The following CPNE4 variants were observed in gnomAD, a reference collection of about 807,000 sequenced individuals.
The protein encoded by CPNE4 is copine-4.
In CPNE4, 25 loss-of-function variants were observed where a neutral mutation model predicts 67.9. The observed-to-expected ratio is 0.37, with a 90% CI of 0.27 to 0.51. The LOEUF (loss-of-function observed/expected upper bound fraction) is 0.51. Ranked by LOEUF, CPNE4 falls within the 20% of genes least tolerant of loss-of-function variation. The probability of loss-of-function intolerance (pLI) is 0.93; values close to 1 mark genes in which losing one functional copy is unlikely to be tolerated. For missense variants in CPNE4, 464 were observed against 690.8 expected (o/e 0.67, Z 3.68); for synonymous variants, 242 against 244.9 (o/e 0.99, Z 0.11).
chr3:131,924,692 T>A (rs934015278), intron 1 of CPNE4, among the ~76,000 whole-genome samples: 2 of 152,176 alleles, frequency 1.3e-5, no homozygotes, highest in Non-Finnish European at 2.9e-5. Context: ...CCAGTAATAG[T>A]ATTTTCAGTC....
intron 2 of CPNE4, among the ~76,000 whole-genome samples, chr3:131,743,971 A>AAAAAAAAC (rs1477425834): frequency 6.7e-6 from 1 of 148,474 alleles, no homozygotes; most frequent in East Asian, 1.9e-4. Flanking sequence ...TCAAAAAAAA[A>AAAAAAAAC]AAAAAAAAAA....
At chr3:131,846,357 C>A (rs545440133) in intron 2 of CPNE4, among the ~76,000 whole-genome samples, 41 of 152,280 alleles carry the variant, frequency 2.7e-4, no homozygotes, top group African/African-American at 9.6e-4. Flanking sequence ...TTCCAACACT[C>A]TTGAGGGAAT....
chr3:131,704,657 A>G (rs1023180376), intron 3 of CPNE4, among the ~76,000 whole-genome samples: 5 of 152,170 alleles, frequency 3.3e-5, no homozygotes, highest in African/African-American at 9.7e-5. Context: ...GACAGATGAT[A>G]TGTGGAACAC....
At position 131,556,850 on chromosome 3, in the gene CPNE4, A is replaced by G. The variant is rs151231973; in HGVS notation, c.1062-1299T>C. On this transcript the variant is annotated intron_variant, in intron 11 of 15. Coordinates refer to ENST00000429747, the MANE Select transcript of CPNE4 (RefSeq NM_130808.3). ...AGTTGACAGGATGGGGAAGAGAATAATTAACATTTATTGATGCATACAATG... is the reference window on the plus strand; with the variant it reads ...AGTTGACAGGATGGGGAAGAGAATAGTTAACATTTATTGATGCATACAATG... Among the ~76,000 whole-genome samples, 1,084 of 152,196 alleles carry G rather than the reference A, an allele frequency of 7.1e-3. 17 individuals carry two copies. Among genetic ancestry groups the G allele is most frequent in the African/African-American group, 0.025 (1,022 of 41,542 alleles).
intron 1 of CPNE4, among the ~76,000 whole-genome samples, chr3:131,913,333 CA>C (rs953015021): frequency 1.3e-5 from 2 of 152,116 alleles, no homozygotes; most frequent in African/African-American, 4.8e-5. Context: ...TATTAAGAGC[CA>C]AAATGGTACC....
intron 2 of CPNE4, among the ~76,000 whole-genome samples, chr3:131,872,470 TG>T (rs1270372701): frequency 6.6e-6 from 1 of 152,186 alleles, no homozygotes; most frequent in African/African-American, 2.4e-5. Context: ...CTCTTTTACC[TG>T]GGTGAGGGTC....
chr3:131,963,382 C>T (rs544534832), intron 1 of CPNE4, among the ~76,000 whole-genome samples: 4 of 151,924 alleles, frequency 2.6e-5, no homozygotes, highest in Non-Finnish European at 4.4e-5. Context: ...GCAACCCCAG[C>T]GAGACAGAAC....
chr3:131,653,593 G>A (rs1459638723), intron 7 of CPNE4, among the ~76,000 whole-genome samples: 1 of 152,104 alleles, frequency 6.6e-6, no homozygotes, highest in Non-Finnish European at 1.5e-5. Context: ...GCCTCCCATT[G>A]CTCTCAGGAT....
chr3:131,851,574 T>C (rs72989525), intron 2 of CPNE4, among the ~76,000 whole-genome samples: 7,884 of 152,108 alleles, frequency 0.052, 389 homozygotes, highest in African/African-American at 0.13. Flanking sequence ...ACAAATTTTA[T>C]AGAGTCACTT....
intron 1 of CPNE4, among the ~76,000 whole-genome samples, chr3:131,928,304 C>T (rs1042967856): frequency 7.7e-6 from 1 of 129,146 alleles, no homozygotes. Context: ...AAATTTACAA[C>T]AGTCCTCTTT....
chr3:131,541,699 T>C (rs899177991), intron 15 of CPNE4, among the ~76,000 whole-genome samples: 4 of 151,944 alleles, frequency 2.6e-5, no homozygotes, highest in Non-Finnish European at 4.4e-5. Flanking sequence ...AAACCAACTC[T>C]CACTCTCATC....
intron 7 of CPNE4, among the ~76,000 whole-genome samples, chr3:131,665,551 C>T (rs188259358): frequency 6.6e-6 from 1 of 151,938 alleles, no homozygotes; most frequent in Admixed American, 6.6e-5. Context: ...CATAGCTACT[C>T]AGGAGGCCAA....
At chr3:131,576,783 T>C (rs759388201) in intron 9 of CPNE4, among the ~76,000 whole-genome samples, 1 of 151,696 alleles carries the variant, frequency 6.6e-6, no homozygotes, top group Non-Finnish European at 1.5e-5. Flanking sequence ...AGGCCTAGGA[T>C]TGGATAGTTT....
chr3:131,798,019 G>C (rs1307001741), intron 2 of CPNE4, among the ~76,000 whole-genome samples: 1 of 152,150 alleles, frequency 6.6e-6, no homozygotes, highest in African/African-American at 2.4e-5. Context: ...TCAAATGACT[G>C]AGAAAGAGAC....
At chr3:131,869,994 G>T (rs2087124882) in intron 2 of CPNE4, among the ~76,000 whole-genome samples, 1 of 152,134 alleles carries the variant, frequency 6.6e-6, no homozygotes, top group Admixed American at 6.5e-5. Flanking sequence ...CATATTTAGG[G>T]TTCCTTAATT....
intron 2 of CPNE4, among the ~76,000 whole-genome samples, chr3:131,860,538 T>C (rs1404432598): frequency 1.3e-5 from 2 of 152,190 alleles, no homozygotes; most frequent in African/African-American, 4.8e-5. Flanking sequence ...CTTCCCCTCA[T>C]TGAAGCTCTC....
At chr3:131,580,917 T>C (rs908714100) in intron 9 of CPNE4, among the ~76,000 whole-genome samples, 6 of 152,148 alleles carry the variant, frequency 3.9e-5, no homozygotes, top group Non-Finnish European at 7.4e-5. Flanking sequence ...GTCATGCCTG[T>C]AATCCCAGCA....
chr3:131,856,037 T>C (rs933426253), intron 2 of CPNE4, among the ~76,000 whole-genome samples: 1 of 151,968 alleles, frequency 6.6e-6, no homozygotes, highest in African/African-American at 2.4e-5. Flanking sequence ...AGACTGGTTA[T>C]CCTATTTTCC....
At chr3:131,862,074 T>C (rs569320515) in intron 2 of CPNE4, among the ~76,000 whole-genome samples, 1 of 152,328 alleles carries the variant, frequency 6.6e-6, no homozygotes, top group Admixed American at 6.5e-5. Flanking sequence ...GCAATTTTTT[T>C]TTATTCTATA....
Sources: gnomAD v4.1 joint callset for allele counts (sites outside exome capture counted in the v4.1 genomes callset) on GRCh38, gnomAD v4.1.1 for gene constraint, MANE v1.5 for transcripts, NCBI Gene and HGNC (gene_info 2026-07-23, HGNC 2026-07-21) for gene names.